CHIC1: variants seen among roughly 807,000 people sequenced by gnomAD.
CHIC1 encodes the protein cysteine-rich hydrophobic domain-containing protein 1.
CHIC1 carries 7 observed loss-of-function variants against 18.5 expected under a neutral mutation model. That is an observed-to-expected ratio of 0.38 (90% CI 0.22 to 0.71). The LOEUF is 0.71. Among genes scored for constraint, CHIC1 ranks in the 30% least tolerant of loss-of-function variants. The pLI is 0.49. For synonymous variants in CHIC1, 77 were observed against 73.5 expected (o/e 1.05, Z -0.25); for missense variants, 159 against 176.9 (o/e 0.90, Z 0.57).
chrX:73,575,733 T>C (rs2057494324), intron 1 of CHIC1, among the ~76,000 whole-genome samples: 1 of 110,105 alleles, frequency 9.1e-6, no homozygotes, highest in African/African-American at 3.3e-5. Context: ...ATGTGAATAT[T>C]ACTGTATACT....
intron 3 of CHIC1, among the ~76,000 whole-genome samples, chrX:73,648,022 A>T (rs2057897264): frequency 9.0e-6 from 1 of 111,622 alleles, no homozygotes; most frequent in Non-Finnish European, 1.9e-5. Flanking sequence ...TAAGCACCCA[A>T]CTTTGCTGTT....
At chrX:73,572,724 ATGTT>A (rs999328620) in intron 1 of CHIC1, among the ~76,000 whole-genome samples, 2 of 111,207 alleles carry the variant, frequency 1.8e-5, no homozygotes, top group Non-Finnish European at 3.8e-5. Context: ...ATTTTTTCAT[ATGTT>A]TGTTGGCCAC....
chrX:73,567,166 C>T (rs922001681), intron 1 of CHIC1, among the ~76,000 whole-genome samples: 6 of 110,462 alleles, frequency 5.4e-5, no homozygotes, highest in Admixed American at 4.8e-4. Context: ...TCCCTGCTCT[C>T]CCTAGATGGT....
chrX:73,564,540 G>C (rs1234132387), intron 1 of CHIC1, among the ~76,000 whole-genome samples: 1 of 111,389 alleles, frequency 9.0e-6, no homozygotes, highest in African/African-American at 3.3e-5. Context: ...GGGATTTAAA[G>C]AGTGCTTCCT....
intron 4 of CHIC1, 68 bp from the exon 5 acceptor site, chrX:73,679,586 T>A (rs2058087509): frequency 1.4e-6 from 1 of 730,216 alleles, no homozygotes; most frequent in African/African-American, 2.2e-5. Flanking sequence ...CAGTGATTTA[T>A]TCAAATGTAT....
intron 3 of CHIC1, among the ~76,000 whole-genome samples, chrX:73,592,738 TCTC>T (rs1322004830): frequency 9.1e-6 from 1 of 110,246 alleles, no homozygotes; most frequent in Non-Finnish European, 1.9e-5. Flanking sequence ...AGGAGGAGTC[TCTC>T]CTCCTCTATT....
At chrX:73,658,258 T>TG (rs1456662217) in intron 3 of CHIC1, among the ~76,000 whole-genome samples, 10 of 84,953 alleles carry the variant, frequency 1.2e-4, no homozygotes, top group Non-Finnish European at 2.1e-4. Flanking sequence ...GTTTTTTTTT[T>TG]TTTTTTTTTT....
At chrX:73,661,751 C>G (rs984912235) in intron 3 of CHIC1, among the ~76,000 whole-genome samples, 1 of 111,396 alleles carries the variant, frequency 9.0e-6, no homozygotes, top group Admixed American at 9.6e-5. Flanking sequence ...ATGGGCTGAG[C>G]AGAAAAAGTT....
intron 3 of CHIC1, among the ~76,000 whole-genome samples, chrX:73,666,103 C>T (rs1292462998): frequency 8.9e-6 from 1 of 111,773 alleles, no homozygotes; most frequent in Non-Finnish European, 1.9e-5. Context: ...CTGCCTTCAA[C>T]CAAATTATCT....
chrX:73,663,242 G>C (rs2147619710), intron 3 of CHIC1, among the ~76,000 whole-genome samples: 1 of 111,040 alleles, frequency 9.0e-6, no homozygotes, highest in Admixed American at 9.6e-5. Flanking sequence ...AATTCCAAGG[G>C]CTTTTTGATT....
At chrX:73,669,744 G>A (rs1357096502) in intron 3 of CHIC1, among the ~76,000 whole-genome samples, 2 of 112,151 alleles carry the variant, frequency 1.8e-5, no homozygotes, top group Non-Finnish European at 3.8e-5. Context: ...GAACAGCTGA[G>A]TCGACCAAAT....
chrX:73,647,728 C>T (rs1236778313), intron 3 of CHIC1, among the ~76,000 whole-genome samples: 1 of 112,382 alleles, frequency 8.9e-6, no homozygotes. Context: ...GGGCCTGAGC[C>T]CCTAGGGGAA....
chrX:73,676,018 T>C (rs1282361382), intron 3 of CHIC1, among the ~76,000 whole-genome samples: 2 of 111,758 alleles, frequency 1.8e-5, no homozygotes, highest in Non-Finnish European at 3.8e-5. Context: ...TATGAAATTC[T>C]GGGTTGAAAA....
chrX:73,628,068 G>A (rs781596367), intron 3 of CHIC1, among the ~76,000 whole-genome samples: 12 of 111,564 alleles, frequency 1.1e-4, no homozygotes, highest in Non-Finnish European at 2.1e-4. Flanking sequence ...TCTGGCCCAG[G>A]GTGTGTCTAG....
intron 3 of CHIC1, among the ~76,000 whole-genome samples, chrX:73,664,404 A>G (rs1012216509): frequency 3.6e-5 from 4 of 110,730 alleles, no homozygotes; most frequent in African/African-American, 1.3e-4. Context: ...GCCATAGCCA[A>G]TATTTTGGCT....
At chrX:73,567,290 C>T (rs1359866258) in intron 1 of CHIC1, among the ~76,000 whole-genome samples, 2 of 110,261 alleles carry the variant, frequency 1.8e-5, no homozygotes, top group African/African-American at 6.6e-5. Context: ...TTACTGTTAT[C>T]TTAAATTTGA....
rs190933644 is a variant in CHIC1 at position 73,595,371 on chromosome X, T to G, written c.507+10799T>G. ...CCGGTGTGTGCTGTACCCCTCCCTG[T>G]GCCCATATGTTCTCATTGTTCAACT... On this transcript the variant is annotated intron_variant, in intron 3 of 5. Coordinates refer to ENST00000373502, the MANE Select transcript of CHIC1 (RefSeq NM_001039840.4). Among the ~76,000 whole-genome samples, 37 of 110,829 alleles carry G rather than the reference T, an allele frequency of 3.3e-4. No homozygotes were observed. The East Asian group carries it at 8.1e-3, about 24-fold the overall frequency.
Position 73,685,907 on chromosome X carries a change from A to C in CHIC1, c.*4902A>C, listed in dbSNP as rs1224048320. On this transcript the variant is annotated 3_prime_UTR_variant, in exon 6 of 6. Coordinates refer to ENST00000373502, the MANE Select transcript of CHIC1 (RefSeq NM_001039840.4). ...TTAGGGAGGAAAAGCAGGTGGATGT[A>C]AATCAGTGATTCCCAACTTCAGCAG... 9.0e-6 allele frequency: 1 copy of C among 111,310 alleles called. No individual in the cohort carries two copies. The highest frequency in any genetic ancestry group is 3.3e-5 in the African/African-American group (1 of 30,742). 9.2% of individuals were successfully genotyped at this position (111,310 alleles called of 1,213,427 possible).
At chrX:73,614,829 T>TTTATATCACTG (rs1247354639) in intron 3 of CHIC1, among the ~76,000 whole-genome samples, 1 of 111,122 alleles carries the variant, frequency 9.0e-6, no homozygotes, top group Non-Finnish European at 1.9e-5. Flanking sequence ...TGCGCTTTTT[T>TTTATATCACTG]TTATATCACT....
Sources: gnomAD v4.1 joint callset for allele counts (sites outside exome capture counted in the v4.1 genomes callset) on GRCh38, gnomAD v4.1.1 for gene constraint, MANE v1.5 for transcripts, NCBI Gene and HGNC (gene_info 2026-07-23, HGNC 2026-07-21) for gene names.